Variants in SBNO1 observed in about 807,000 individuals in gnomAD.
SBNO1 encodes strawberry notch homolog 1.
A neutral mutation model predicts 173.6 loss-of-function variants in SBNO1; 23 were observed. The ratio of observed to expected loss-of-function variants is 0.13; its 90% CI spans 0.10 to 0.19. The LOEUF (loss-of-function observed/expected upper bound fraction) is 0.19. Among genes scored for constraint, SBNO1 ranks in the 10% least tolerant of loss-of-function variants. The pLI, the probability that SBNO1 is intolerant of heterozygous loss-of-function variation, is 1.00. For missense variants in SBNO1, 1,238 were observed against 1,671.2 expected, an observed-to-expected ratio of 0.74 and a Z score of 4.52; for synonymous variants, 632 against 571.5, an observed-to-expected ratio of 1.11 and a Z score of -1.51.
intron 5 of SBNO1, among the ~76,000 whole-genome samples, 194 bp from the exon 6 acceptor site, chr12:123,336,685 G>A (rs919722191): frequency 3.7e-4 from 57 of 152,104 alleles, no homozygotes; most frequent in Non-Finnish European, 8.1e-4. Context: ...CAGACAATGA[G>A]GTCCTACTCT....
At chr12:123,364,500 A>G (rs1875873167) in intron 1 of SBNO1, 1 of 983,750 alleles carries the variant, frequency 1.0e-6, no homozygotes, top group African/African-American at 1.8e-5. Context: ...AGCGAGTACA[A>G]CGGAGCCGCC....
Position 123,304,611 on chromosome 12 carries a change from A to G in SBNO1, c.3739T>C (p.Tyr1247His). The G allele has an allele frequency of 6.4e-7, 1 of 1,562,882 alleles. No individual in the cohort carries two copies. The highest frequency in any genetic ancestry group is 8.8e-7 in the Non-Finnish European group (1 of 1,134,542). ...TTATATTTCTTTTTTAGATCAGCAT[A>G]AATTTCTAATTTGAGCTGCTTCCCA... ...NTGKQLKLEIYADLKKKYKKV... is the reference protein window; with the variant it reads ...NTGKQLKLEIHADLKKKYKKV... The change falls in exon 29 of 32, where the codon TAT becomes CAT. Residue 1247 changes from tyrosine to histidine, a missense_variant. Physicochemically the swap from Tyr to His is moderately conservative, Grantham distance 83. This residue lies in a region of SBNO1 where 351 missense variants were observed against 420.3 expected (regional missense o/e 0.84). Transcript: ENST00000602398.
chr12:123,300,430 G>C (rs2048747852), intron 30 of SBNO1, among the ~76,000 whole-genome samples: 2 of 152,162 alleles, frequency 1.3e-5, no homozygotes, highest in African/African-American at 2.4e-5. Context: ...GGCAGAGGCA[G>C]GCGGATCACG....
At position 123,320,489 on chromosome 12, in the gene SBNO1, G is replaced by T; in HGVS notation, c.2610C>A (p.Pro870=). The part of the protein sequence containing the change: ...DKLEKLAEDL[P]PNTLDELIDE... Reference sequence around the variant, plus strand: ...CGATAAGTTCATCCAGGGTATTAGGGGGGAGGTCTTCAGCTAATTTTTCTA... The same window carrying T: ...CGATAAGTTCATCCAGGGTATTAGGTGGGAGGTCTTCAGCTAATTTTTCTA... Residue 870 remains proline (P), a synonymous_variant, in exon 19 of 32, where the codon CCC becomes CCA. Coordinates refer to ENST00000602398, the MANE Select transcript of SBNO1 (RefSeq NM_001167856.3). 6.2e-7 allele frequency: 1 copy of T among 1,614,042 alleles called. No homozygotes were observed. Among genetic ancestry groups the T allele is most frequent in the Non-Finnish European group, 8.5e-7 (1 of 1,180,004 alleles).
At position 123,298,122 on chromosome 12, in the gene SBNO1, G is replaced by C; in HGVS notation, c.3895C>G (p.Leu1299Val). 6.2e-7 allele frequency: 1 copy of C among 1,611,172 alleles called. No individual in the cohort carries two copies. The highest frequency in any genetic ancestry group is 8.5e-7 in the Non-Finnish European group (1 of 1,179,320). The change falls in exon 31 of 32, where the codon CTT becomes GTT. Residue 1299 changes from leucine (L) to valine (V), a missense_variant. By Grantham distance (32) the Leu-to-Val change is conservative. Around this residue, in one of 14 missense-constraint regions of SBNO1, gnomAD observed 351 missense variants for 420.3 expected, o/e 0.84. Coordinates refer to ENST00000602398, the MANE Select transcript of SBNO1 (RefSeq NM_001167856.3). Reference sequence around the variant, plus strand: ...AATACATAATATGTACGGCAACGAAGACCTATTTCACAAACTAGCCCCAAG... The same window carrying C: ...AATACATAATATGTACGGCAACGAACACCTATTTCACAAACTAGCCCCAAG... Reference protein sequence around the residue: ...ASLGLVCEIGLRCRTYYVLCG... With the variant: ...ASLGLVCEIGVRCRTYYVLCG...
chr12:123,308,630 GC>G (rs1256705736), intron 28 of SBNO1, among the ~76,000 whole-genome samples: 3 of 151,984 alleles, frequency 2.0e-5, no homozygotes, highest in African/African-American at 7.3e-5. Context: ...AGCCGAGATC[GC>G]ACCACTGCAC....
intron 3 of SBNO1, among the ~76,000 whole-genome samples, chr12:123,345,865 G>A (rs776045002): frequency 1.3e-5 from 2 of 151,950 alleles, no homozygotes; most frequent in Non-Finnish European, 2.9e-5. Context: ...GTCTCCCTAT[G>A]TTGCTCAGGT....
chr12:123,355,309 A>G (rs1307498093), intron 1 of SBNO1, among the ~76,000 whole-genome samples: 9 of 151,910 alleles, frequency 5.9e-5, no homozygotes, highest in Non-Finnish European at 1.3e-4. Flanking sequence ...ATAAGCCACC[A>G]TGCCCAGCTG....
chr12:123,360,703 C>CT (rs1875046492), intron 1 of SBNO1, among the ~76,000 whole-genome samples: 1 of 152,004 alleles, frequency 6.6e-6, no homozygotes, highest in Non-Finnish European at 1.5e-5. Flanking sequence ...TCGGCCCCCT[C>CT]AAAGTGCTGG....
At chr12:123,334,891 T>C (rs950088549) in intron 6 of SBNO1, among the ~76,000 whole-genome samples, 1 of 152,138 alleles carries the variant, frequency 6.6e-6, no homozygotes, top group Non-Finnish European at 1.5e-5. Context: ...AAGTTTGCAA[T>C]ACAATTTTAT....
chr12:123,361,701 T>G (rs1408640857), intron 1 of SBNO1, among the ~76,000 whole-genome samples: 3 of 139,898 alleles, frequency 2.1e-5, no homozygotes, highest in African/African-American at 8.2e-5. Flanking sequence ...CCCACTGCAC[T>G]CCAGCCTGGT....
chr12:123,348,916 T>C (rs1219731851), intron 2 of SBNO1: 1 of 150,450 alleles, frequency 6.6e-6, no homozygotes, highest in Admixed American at 6.6e-5. Context: ...GCCAAGATCG[T>C]GCCACTGCAC....
In SBNO1 at chr12:123,325,562, C is replaced by G; in HGVS notation, c.1913G>C (p.Arg638Thr). The change falls in exon 15 of 32, where the codon AGA (arginine) becomes ACA (threonine). Residue 638 changes from arginine to threonine, a missense_variant. This residue lies in a region of SBNO1 where 182 missense variants were observed against 339.9 expected (regional missense o/e 0.54). Coordinates refer to ENST00000602398, the MANE Select transcript of SBNO1 (RefSeq NM_001167856.3). The part of the protein sequence containing the change: ...VIGLQSTGEA[R>T]TLEALEEGGG... ...GCCCTCTTCCAAAGCTTCTAATGTT[C>G]TAGCTTCTCCTGTAGACTGCAGACC... 1 of 1,613,314 alleles carries G rather than the reference C, an allele frequency of 6.2e-7. No individual in the cohort carries two copies. Among genetic ancestry groups the G allele is most frequent in the Non-Finnish European group, 8.5e-7 (1 of 1,179,380 alleles).
intron 9 of SBNO1, among the ~76,000 whole-genome samples, chr12:123,329,226 C>A (rs1205050411): frequency 1.3e-5 from 2 of 151,994 alleles, no homozygotes; most frequent in Non-Finnish European, 2.9e-5. Context: ...ACAAAAAATA[C>A]AAAAATTAGC....
At chr12:123,332,502 G>C (rs1871335374) in intron 7 of SBNO1, among the ~76,000 whole-genome samples, 1 of 152,082 alleles carries the variant, frequency 6.6e-6, no homozygotes, top group African/African-American at 2.4e-5. Flanking sequence ...ATGTTGGCCA[G>C]GCTGGTCTCG....
At chr12:123,313,411 A>G (rs1459810358) in intron 24 of SBNO1, among the ~76,000 whole-genome samples, 1 of 152,078 alleles carries the variant, frequency 6.6e-6, no homozygotes, top group Non-Finnish European at 1.5e-5. Flanking sequence ...CACCATATCA[A>G]CAGTAAGAGC....
intron 20 of SBNO1, among the ~76,000 whole-genome samples, chr12:123,318,112 C>T (rs1869505823): frequency 6.6e-6 from 1 of 152,134 alleles, no homozygotes; most frequent in South Asian, 2.1e-4. Flanking sequence ...TGGGCATGTG[C>T]CATCATGTGA....
In SBNO1 at chr12:123,304,717, T is replaced by C. The variant is rs754099131; in HGVS notation, c.3633A>G (p.Ile1211Met). 4.0e-6 allele frequency: 6 copies of C among 1,505,110 alleles called. No individual in the cohort carries two copies. The highest frequency in any genetic ancestry group is 3.7e-5 in the Admixed American group (2 of 53,550). 93.2% of individuals were successfully genotyped at this position (1,505,110 alleles called of 1,614,324 possible). ...PDDGFYLSLQ[I>M]RNNKKTAILV... The stretch of plus-strand genomic sequence containing the variant: ...AGATGGCAGTTTTCTTGTTGTTCCT[T>C]ATCTGTTTAAAGAAAATGACAAAAT... The change falls in exon 29 of 32, where the codon ATA becomes ATG. Residue 1211 changes from isoleucine to methionine, a missense_variant and splice_region_variant. Ile to Met is a conservative substitution (Grantham distance 10). Transcript: ENST00000602398.
At chr12:123,340,440 G>C (rs1872395615) in intron 5 of SBNO1, among the ~76,000 whole-genome samples, 1 of 151,792 alleles carries the variant, frequency 6.6e-6, no homozygotes, top group African/African-American at 2.4e-5. Context: ...AATTAGCCAA[G>C]CATGGTGGCA....
Sources: gnomAD v4.1 joint callset for allele counts (sites outside exome capture counted in the v4.1 genomes callset) on GRCh38, gnomAD v4.1.1 for gene constraint, gnomAD v4.1.1 regional missense constraint, MANE v1.5 for transcripts, NCBI Gene and HGNC (gene_info 2026-07-23, HGNC 2026-07-21) for gene names.